The following MYLK variants were observed in gnomAD, a reference collection of about 807,000 sequenced individuals.
MYLK encodes the protein myosin light chain kinase.
In MYLK, 106 loss-of-function variants were observed where a neutral mutation model predicts 203.4. That is an observed-to-expected ratio of 0.52 (90% CI 0.45 to 0.61). The LOEUF (loss-of-function observed/expected upper bound fraction) is 0.61. MYLK is among the 20% of genes least tolerant of loss of function. The probability of loss-of-function intolerance (pLI) is 0.00; values close to 1 mark genes in which losing one functional copy is unlikely to be tolerated. For missense variants in MYLK, 2,072 were observed against 2,442.3 expected, an observed-to-expected ratio of 0.85 and a Z score of 3.20; for synonymous variants, 867 against 959.5, an observed-to-expected ratio of 0.90 and a Z score of 1.78.
chr3:123,751,494 T>C (rs1368217501), intron 5 of MYLK, among the ~76,000 whole-genome samples: 2 of 152,270 alleles, frequency 1.3e-5, no homozygotes, highest in Non-Finnish European at 1.5e-5. Flanking sequence ...ACTTCCTACA[T>C]ATTTTTCTGA....
At chr3:123,682,030 A>T in intron 20 of MYLK, 194 bp downstream of exon 20, 1 of 657,122 alleles carries the variant, frequency 1.5e-6, no homozygotes, top group South Asian at 1.6e-5. Flanking sequence ...GAGCACTGGG[A>T]TGGGGTGAGA....
At chr3:123,704,776 CG>C (rs917391420) in intron 16 of MYLK, among the ~76,000 whole-genome samples, 13 of 144,344 alleles carry the variant, frequency 9.0e-5, no homozygotes, top group Non-Finnish European at 3.0e-5. Flanking sequence ...AAAAATTAGC[CG>C]GGCGTGGTGG....
intron 4 of MYLK, 100 bp downstream of exon 4, chr3:123,793,577 C>G: frequency 1.5e-6 from 2 of 1,360,346 alleles, no homozygotes; most frequent in Admixed American, 2.2e-5. Context: ...GAAAATTGAG[C>G]CTTCTATTAG....
intron 2 of MYLK, among the ~76,000 whole-genome samples, chr3:123,843,360 G>T (rs1234059306): frequency 6.6e-6 from 1 of 152,196 alleles, no homozygotes; most frequent in East Asian, 1.9e-4. Context: ...GGTCTGTCTG[G>T]TTGTAAGGGC....
chr3:123,682,201 G>C (rs1213819869), intron 20 of MYLK, 23 bp downstream of exon 20: 2 of 1,579,260 alleles, frequency 1.3e-6, no homozygotes, highest in Admixed American at 1.8e-5. Context: ...GCCTCTGCCT[G>C]GTGAAGCTGG....
intron 29 of MYLK, among the ~76,000 whole-genome samples, chr3:123,633,271 C>T (rs148980313): frequency 2.2e-3 from 333 of 151,836 alleles, no homozygotes; most frequent in South Asian, 5.4e-3. Context: ...GGACCACAGG[C>T]GCACGCCACC....
At chr3:123,786,538 G>C (rs558248408) in intron 4 of MYLK, among the ~76,000 whole-genome samples, 21 of 130,960 alleles carry the variant, frequency 1.6e-4, no homozygotes, top group African/African-American at 5.9e-4. Context: ...GGGGGAGGAG[G>C]GGGGGATGGC....
At chr3:123,792,475 C>A (rs1411701510) in intron 4 of MYLK, among the ~76,000 whole-genome samples, 1 of 152,196 alleles carries the variant, frequency 6.6e-6, no homozygotes, top group Non-Finnish European at 1.5e-5. Flanking sequence ...TGGTGACCAC[C>A]TTTCTACTTT....
At chr3:123,690,994 T>C (rs1182197266) in intron 19 of MYLK, among the ~76,000 whole-genome samples, 2 of 151,748 alleles carry the variant, frequency 1.3e-5, no homozygotes, top group African/African-American at 4.8e-5. Context: ...GTGTATTCAG[T>C]AGGGGAAAAG....
At position 123,793,851 on chromosome 3, in the gene MYLK, AAAGG is replaced by A; in HGVS notation, c.-3-11_-3-8del. The A allele has an allele frequency of 6.2e-7, 1 of 1,614,114 alleles. No individual in the cohort carries two copies. Among genetic ancestry groups the A allele is most frequent in the Non-Finnish European group, 8.5e-7 (1 of 1,180,010 alleles). ...GCTTCACATCCCCCATGGTCTGCAA[AAAGG>A]AAGGAAGAGGACAAGGTCAGATCAG... On this transcript the variant is annotated splice_region_variant and splice_polypyrimidine_tract_variant and intron_variant, in intron 3 of 33. Coordinates refer to ENST00000360304, the MANE Select transcript of MYLK (RefSeq NM_053025.4).
In MYLK at chr3:123,734,188, C is replaced by T; in HGVS notation, c.808G>A (p.Asp270Asn). ...FVRETKATNS[D>N]VRKEVTNVIS... ...ACATTGGTCACCTCTTTCCTGACAT[C>T]TGAATTGGTGGCTTTTGTTTCTCTC... The change falls in exon 10 of 34, where the codon GAT becomes AAT. Residue 270 changes from aspartate to asparagine, a missense_variant. Physicochemically the swap from Asp to Asn is conservative, Grantham distance 23. This residue lies in a region of MYLK where 683 missense variants were observed against 643.8 expected (regional missense o/e 1.06). Transcript: ENST00000360304. The T allele has an allele frequency of 7.5e-7, 1 of 1,342,042 alleles. No individual in the cohort carries two copies. The highest frequency in any genetic ancestry group is 9.7e-7 in the Non-Finnish European group (1 of 1,025,672). The allele number at this position is 1,342,042 out of a possible 1,614,324, so 83.1% of individuals were successfully genotyped here.
intron 14 of MYLK, 57 bp from the exon 15 acceptor site, chr3:123,708,952 G>T (rs2061572403): frequency 6.9e-7 from 1 of 1,448,332 alleles, no homozygotes; most frequent in African/African-American, 1.4e-5. Flanking sequence ...CGGCCATGCA[G>T]CAACTCTGCG....
At chr3:123,699,196 A>G (rs1242922364) in intron 18 of MYLK, among the ~76,000 whole-genome samples, 1 of 151,950 alleles carries the variant, frequency 6.6e-6, no homozygotes, top group Admixed American at 6.6e-5. Context: ...CTTGGGATTT[A>G]CAAAAGCACT....
intron 23 of MYLK, among the ~76,000 whole-genome samples, chr3:123,657,873 C>T (rs562282473): frequency 1.3e-4 from 20 of 152,334 alleles, no homozygotes; most frequent in African/African-American, 4.6e-4. Context: ...AACTAGGGGT[C>T]TGCCTCCACT....
At chr3:123,758,408 A>G (rs1184386138) in intron 4 of MYLK, among the ~76,000 whole-genome samples, 1 of 152,214 alleles carries the variant, frequency 6.6e-6, no homozygotes. Flanking sequence ...CAATGAGGAC[A>G]AAAGTGCTTC....
intron 12 of MYLK, 151 bp downstream of exon 12, chr3:123,725,793 C>T (rs375613973): frequency 8.6e-7 from 1 of 1,159,502 alleles, no homozygotes; most frequent in South Asian, 1.7e-5. Context: ...GAGCAGGATC[C>T]CAGTGCCCGT....
At chr3:123,720,211 T>C (rs1337591089) in intron 13 of MYLK, among the ~76,000 whole-genome samples, 1 of 152,136 alleles carries the variant, frequency 6.6e-6, no homozygotes, top group Non-Finnish European at 1.5e-5. Context: ...TTGTTTTCCT[T>C]TGGATGGGTG....
chr3:123,789,127 G>A (rs553885067), intron 4 of MYLK, among the ~76,000 whole-genome samples: 1 of 152,196 alleles, frequency 6.6e-6, no homozygotes, highest in South Asian at 2.1e-4. Flanking sequence ...CCTGGCATTC[G>A]TGGAGCCCTG....
At chr3:123,614,778 G>A (rs946978785) in intron 33 of MYLK, among the ~76,000 whole-genome samples, 12 of 150,906 alleles carry the variant, frequency 8.0e-5, no homozygotes, top group Non-Finnish European at 1.5e-5. Flanking sequence ...AGGCATGAGC[G>A]ACCGTGCTCA....
Sources: gnomAD v4.1 joint callset for allele counts (sites outside exome capture counted in the v4.1 genomes callset) on GRCh38, gnomAD v4.1.1 for gene constraint, gnomAD v4.1.1 regional missense constraint, MANE v1.5 for transcripts, NCBI Gene and HGNC (gene_info 2026-07-23, HGNC 2026-07-21) for gene names.